WWOX: variants seen among roughly 807,000 people sequenced by gnomAD.
WWOX encodes the protein WW domain-containing oxidoreductase.
A neutral mutation model predicts 46.2 loss-of-function variants in WWOX; 69 were observed. The ratio of observed to expected loss-of-function variants is 1.49; its 90% confidence interval spans 1.23 to 1.82. The LOEUF (loss-of-function observed/expected upper bound fraction) is 1.82. Among genes scored for constraint, WWOX ranks in the 40% most tolerant of loss-of-function variants. The pLI is 0.00. For missense variants in WWOX, 919 were observed against 542.6 expected (o/e 1.69, Z -6.89); for synonymous variants, 359 against 202.6 (o/e 1.77, Z -6.56).
At chr16:78,226,109 A>T (rs2037045588) in intron 5 of WWOX, among the ~76,000 whole-genome samples, 1 of 152,194 alleles carries the variant, frequency 6.6e-6, no homozygotes, top group African/African-American at 2.4e-5. Flanking sequence ...CTTCAGCAAC[A>T]TCTGAGTATC....
intron 8 of WWOX, among the ~76,000 whole-genome samples, chr16:78,817,533 A>C (rs182474929): frequency 6.6e-6 from 1 of 152,194 alleles, no homozygotes; most frequent in South Asian, 2.1e-4. Flanking sequence ...CTTTGCTTCA[A>C]ATTTGCCAAT....
intron 8 of WWOX, among the ~76,000 whole-genome samples, chr16:78,876,210 T>C (rs1487992685): frequency 1.4e-5 from 1 of 72,528 alleles, no homozygotes; most frequent in Non-Finnish European, 3.3e-5. Context: ...TTTTCCTTTC[T>C]TTTTTTTTTT....
At chr16:78,506,130 AG>A (rs1381707698) in intron 8 of WWOX, among the ~76,000 whole-genome samples, 16 of 152,136 alleles carry the variant, frequency 1.1e-4, no homozygotes, top group Non-Finnish European at 1.9e-4. Context: ...ACAGGCTTCG[AG>A]TTTTTTGGGT....
At chr16:79,008,256 C>A (rs1407273076) in intron 8 of WWOX, among the ~76,000 whole-genome samples, 1 of 152,188 alleles carries the variant, frequency 6.6e-6, no homozygotes, top group Non-Finnish European at 1.5e-5. Flanking sequence ...TTGGCTTCTT[C>A]AAGACTGAAG....
At chr16:78,554,689 G>T (rs1292692662) in intron 8 of WWOX, among the ~76,000 whole-genome samples, 1 of 152,064 alleles carries the variant, frequency 6.6e-6, no homozygotes. Flanking sequence ...AGTTGAATAG[G>T]ACCGTAGAGG....
intron 8 of WWOX, among the ~76,000 whole-genome samples, chr16:78,867,183 C>T (rs752762765): frequency 2.0e-5 from 3 of 152,150 alleles, no homozygotes; most frequent in Non-Finnish European, 4.4e-5. Flanking sequence ...GACAAAACTG[C>T]AACTCATCTT....
intron 8 of WWOX, among the ~76,000 whole-genome samples, chr16:79,081,276 G>C (rs764072928): frequency 7.9e-5 from 12 of 152,146 alleles, no homozygotes; most frequent in Admixed American, 5.2e-4. Flanking sequence ...TGATTCTCCT[G>C]TCTCAGCCTC....
At position 78,814,009 on chromosome 16, in the gene WWOX, G is replaced by C. The variant is rs547588712; in HGVS notation, c.1056+381257G>C. 2.0e-4 allele frequency among the ~76,000 whole-genome samples: 30 copies of C among 152,262 alleles called. No homozygotes were observed. The Middle Eastern group carries it at 0.01, about 52-fold the overall frequency. ...TCTCCGCTGGTTTAAGGCAACTGCTGTTTCTTTTAGGAGTTTTCTTTTCTT... is the reference window on the plus strand; with the variant it reads ...TCTCCGCTGGTTTAAGGCAACTGCTCTTTCTTTTAGGAGTTTTCTTTTCTT... On this transcript the variant is annotated intron_variant, in intron 8 of 8. Coordinates refer to ENST00000566780, the MANE Select transcript of WWOX (RefSeq NM_016373.4).
chr16:78,632,973 G>C lies in WWOX; in HGVS notation c.1056+200221G>C, dbSNP rs2004939. Among the ~76,000 whole-genome samples, 480 of 152,180 alleles carry C rather than the reference G, an allele frequency of 3.2e-3. 2 individuals are homozygous for C. Among genetic ancestry groups the C allele is most frequent in the African/African-American group, 0.011 (448 of 41,548 alleles). On this transcript the variant is annotated intron_variant, in intron 8 of 8. Coordinates refer to ENST00000566780, the MANE Select transcript of WWOX (RefSeq NM_016373.4). The stretch of plus-strand genomic sequence containing the variant: ...TTATCCCCATTTTACAGATGAAGAA[G>C]TTAAGGTGGCCAGGCATGGTGGCTC...
intron 8 of WWOX, among the ~76,000 whole-genome samples, chr16:78,497,758 G>T (rs1045969661): frequency 6.6e-6 from 1 of 152,014 alleles, no homozygotes; most frequent in African/African-American, 2.4e-5. Flanking sequence ...CAGTGGTTGG[G>T]TCTGGAGATG....
rs564975473 is a variant in WWOX at position 78,269,479 on chromosome 16, T to C, written c.516+105190T>C. Among the ~76,000 whole-genome samples the C allele has an allele frequency of 2.0e-5, 3 of 152,268 alleles. No individual in the cohort carries two copies. In the East Asian group the frequency reaches 5.8e-4, roughly 29 times the overall value. ...TGTGCTCGTGCTGCCCTGTGACATA[T>C]TGTTTAACACAGTGAGTTATGACAC... On this transcript the variant is annotated intron_variant, in intron 5 of 8. Coordinates refer to ENST00000566780, the MANE Select transcript of WWOX (RefSeq NM_016373.4).
intron 8 of WWOX, among the ~76,000 whole-genome samples, chr16:78,759,367 G>C (rs2049735143): frequency 6.6e-6 from 1 of 152,150 alleles, no homozygotes; most frequent in South Asian, 2.1e-4. Context: ...ATATTCTTCT[G>C]TTTCTTTTTC....
chr16:78,348,562 A>C (rs1472606030), intron 5 of WWOX, among the ~76,000 whole-genome samples: 1 of 120,352 alleles, frequency 8.3e-6, no homozygotes, highest in Non-Finnish European at 2.0e-5. Context: ...AGCTCAGGCA[A>C]TCCTCCTGCC....
chr16:78,504,915 A>G (rs1234175352), intron 8 of WWOX, among the ~76,000 whole-genome samples: 1 of 152,168 alleles, frequency 6.6e-6, no homozygotes, highest in Non-Finnish European at 1.5e-5. Flanking sequence ...ATTAATATAA[A>G]TAATGACTGG....
intron 8 of WWOX, among the ~76,000 whole-genome samples, chr16:78,944,765 C>G (rs1233930133): frequency 6.6e-6 from 1 of 152,204 alleles, no homozygotes; most frequent in South Asian, 2.1e-4. Flanking sequence ...CTTAGCCCAT[C>G]TAAGTAAGTG....
chr16:78,835,419 G>C (rs2051951334), intron 8 of WWOX, among the ~76,000 whole-genome samples: 1 of 152,134 alleles, frequency 6.6e-6, no homozygotes, highest in Non-Finnish European at 1.5e-5. Context: ...GACTTTAAAG[G>C]GGAAATATTC....
chr16:79,186,715 C>G (rs952568493), intron 8 of WWOX, among the ~76,000 whole-genome samples: 6 of 152,038 alleles, frequency 3.9e-5, no homozygotes, highest in Admixed American at 3.9e-4. Flanking sequence ...AGTACAGTTG[C>G]CATACCTCAA....
At chr16:78,709,264 G>T (rs984962521) in intron 8 of WWOX, among the ~76,000 whole-genome samples, 10 of 152,124 alleles carry the variant, frequency 6.6e-5, no homozygotes, top group African/African-American at 2.2e-4. Flanking sequence ...CTCTGCCTGC[G>T]GGAGACAAAA....
At chr16:79,160,220 T>C (rs894525746) in intron 8 of WWOX, among the ~76,000 whole-genome samples, 2 of 152,162 alleles carry the variant, frequency 1.3e-5, no homozygotes, top group African/African-American at 4.8e-5. Context: ...AGAGCTCCTA[T>C]GGGAAGAGTG....
Sources: allele counts gnomAD v4.1 joint callset (sites outside exome capture counted in the v4.1 genomes callset), GRCh38; gene constraint gnomAD v4.1.1; transcripts MANE v1.5; gene names NCBI Gene and HGNC (gene_info 2026-07-23, HGNC 2026-07-21).